MPRIP: variants seen among roughly 807,000 people sequenced by gnomAD.
MPRIP encodes myosin phosphatase Rho interacting protein.
A neutral mutation model predicts 234.9 loss-of-function variants in MPRIP; 59 were observed. The ratio of observed to expected loss-of-function variants is 0.25; its 90% confidence interval spans 0.20 to 0.31. MPRIP has a LOEUF of 0.31. MPRIP is among the 10% of genes least tolerant of loss of function. The pLI, the probability that MPRIP is intolerant of heterozygous loss-of-function variation, is 1.00. For missense variants in MPRIP, 2,436 were observed against 3,071.0 expected, an observed-to-expected ratio of 0.79 and a Z score of 4.89; for synonymous variants, 1,144 against 1,263.9, an observed-to-expected ratio of 0.91 and a Z score of 2.01.
At position 17,164,773 on chromosome 17, in the gene MPRIP, T is replaced by G. The variant is rs868679725; in HGVS notation, c.3182T>G (p.Val1061Gly). ...CAGCTGCAGGGTCAGGCACAGCAGG[T>G]GGAGACCCTGCAGAAGGAGAAGCTG... ...EDQLQGQAQQ[V>G]ETLQKEKLSA... The change falls in exon 16 of 24, where the codon GTG becomes GGG. Residue 1061 changes from valine (V) to glycine (G), a missense_variant. Val to Gly is a moderately radical substitution (Grantham distance 109). Around this residue, in one of 4 missense-constraint regions of MPRIP, gnomAD observed 1,998 missense variants for 2,520.3 expected, o/e 0.79. Transcript: ENST00000651222. 1.5e-6 allele frequency: 2 copies of G among 1,304,154 alleles called. No homozygotes were observed. Among genetic ancestry groups the G allele is most frequent in the Middle Eastern group, 2.1e-4 (1 of 4,698 alleles). The allele number at this position is 1,304,154 out of a possible 1,614,324, so 80.8% of individuals were successfully genotyped here.
intron 3 of MPRIP, among the ~76,000 whole-genome samples, chr17:17,113,466 A>G (rs768041119): frequency 6.6e-6 from 1 of 152,236 alleles, no homozygotes; most frequent in Non-Finnish European, 1.5e-5. Context: ...TATAGCACAT[A>G]CCAGAATTTC....
rs563802469 is a variant in MPRIP, at chr17:17,174,558, C to T, written c.6750+483C>T. Among the ~76,000 whole-genome samples the T allele has an allele frequency of 2.8e-4, 43 of 152,238 alleles. No homozygotes were observed. In the South Asian group the frequency reaches 5.8e-3, roughly 21 times the overall value. The stretch of plus-strand genomic sequence containing the variant: ...TTTCTTAAGATTTGCTTGCTCTGTC[C>T]GGGCGCGGTGGCTCACGCCTGTAAT... On this transcript the variant is annotated intron_variant, in intron 19 of 23. Coordinates refer to ENST00000651222, the MANE Select transcript of MPRIP (RefSeq NM_001364716.4).
intron 3 of MPRIP, among the ~76,000 whole-genome samples, chr17:17,101,578 AT>A (rs1219329857): frequency 6.7e-6 from 1 of 149,864 alleles, no homozygotes; most frequent in East Asian, 2.0e-4. Context: ...CTCAAAAAAA[AT>A]TTTTTTTAAA....
rs1299384326 is a variant in MPRIP at position 17,151,183 on chromosome 17, C to T, written c.1719+950C>T. On this transcript the variant is annotated intron_variant, in intron 12 of 23. Transcript: ENST00000651222. ...ACTGTGCCCAGTCCTGCCCCCACTTCTGACACCAGTTGTGAGTCCGGAGGT... is the reference window on the plus strand; with the variant it reads ...ACTGTGCCCAGTCCTGCCCCCACTTTTGACACCAGTTGTGAGTCCGGAGGT... 2.0e-5 allele frequency among the ~76,000 whole-genome samples: 3 copies of T among 152,146 alleles called. No individual in the cohort carries two copies. In the East Asian group the frequency reaches 5.8e-4, roughly 29 times the overall value.
At chr17:17,084,416 G>T (rs1364362513) in intron 3 of MPRIP, among the ~76,000 whole-genome samples, 1 of 152,226 alleles carries the variant, frequency 6.6e-6, no homozygotes, top group East Asian at 1.9e-4. Context: ...CCCGGCCGGG[G>T]CTCCTTGCTG....
intron 1 of MPRIP, among the ~76,000 whole-genome samples, chr17:17,054,642 C>T (rs1448051069): frequency 6.6e-6 from 1 of 151,852 alleles, no homozygotes; most frequent in Non-Finnish European, 1.5e-5. Context: ...AAACTCCACA[C>T]AGGCAGTGGG....
Position 17,117,501 on chromosome 17 carries a change from G to T in MPRIP, c.268-9201G>T, listed in dbSNP as rs138635824. On this transcript the variant is annotated intron_variant, in intron 3 of 23. Transcript: ENST00000651222. The stretch of plus-strand genomic sequence containing the variant: ...ACTGGCTTCATTCACTTAGCGTGAT[G>T]TTTCCAAGGTTTGCTCATGTTGGAG... 1.6e-4 allele frequency among the ~76,000 whole-genome samples: 25 copies of T among 152,348 alleles called. 1 individual carries two copies. The East Asian group carries it at 3.3e-3, about 20-fold the overall frequency.
At chr17:17,066,074 A>G (rs1452460871) in intron 1 of MPRIP, among the ~76,000 whole-genome samples, 2 of 152,320 alleles carry the variant, frequency 1.3e-5, no homozygotes, top group Admixed American at 6.5e-5. Context: ...ACAGACAGCT[A>G]TGTCATCTGT....
At chr17:17,053,723 T>A (rs2088610739) in intron 1 of MPRIP, among the ~76,000 whole-genome samples, 1 of 152,208 alleles carries the variant, frequency 6.6e-6, no homozygotes. Flanking sequence ...CTCAAACCTG[T>A]TTCTGTCTGT....
intron 3 of MPRIP, among the ~76,000 whole-genome samples, chr17:17,107,807 T>C: frequency 6.6e-6 from 1 of 152,254 alleles, no homozygotes; most frequent in Non-Finnish European, 1.5e-5. Context: ...CAGCAGGTGA[T>C]TTGAAGTCCT....
At chr17:17,162,969 G>T (rs1056148902) in intron 15 of MPRIP, among the ~76,000 whole-genome samples, 54 of 152,296 alleles carry the variant, frequency 3.5e-4, no homozygotes, top group Admixed American at 3.3e-3. Context: ...TTGCATAATT[G>T]CATGAGCCTA....
intron 3 of MPRIP, among the ~76,000 whole-genome samples, chr17:17,102,973 A>G (rs1318227182): frequency 6.6e-6 from 1 of 152,176 alleles, no homozygotes; most frequent in Admixed American, 6.5e-5. Flanking sequence ...CCAAGAGTTG[A>G]TGCTGCATGC....
chr17:17,060,627 C>T (rs945318918), intron 1 of MPRIP, among the ~76,000 whole-genome samples: 14 of 152,356 alleles, frequency 9.2e-5, no homozygotes, highest in South Asian at 2.1e-4. Flanking sequence ...GGAGTGCAGA[C>T]CTGCCCTCGT....
At chr17:17,160,141 G>A (rs1161703628) in intron 14 of MPRIP, among the ~76,000 whole-genome samples, 1 of 152,158 alleles carries the variant, frequency 6.6e-6, no homozygotes, top group Non-Finnish European at 1.5e-5. Context: ...GGCCGAGGCG[G>A]GCGGATCACA....
chr17:17,121,416 G>T (rs1178926642), intron 3 of MPRIP, among the ~76,000 whole-genome samples: 2 of 152,246 alleles, frequency 1.3e-5, no homozygotes, highest in Non-Finnish European at 2.9e-5. Flanking sequence ...TAGCTTCTTA[G>T]CAGTCTGCTT....
chr17:17,181,097 G>A (rs890970414), intron 23 of MPRIP, among the ~76,000 whole-genome samples: 5 of 152,242 alleles, frequency 3.3e-5, no homozygotes, highest in Non-Finnish European at 7.3e-5. Flanking sequence ...TAACAGGGTG[G>A]TCATTCTAGG....
At chr17:17,139,056 G>C (rs887451408) in intron 7 of MPRIP, among the ~76,000 whole-genome samples, 1 of 152,238 alleles carries the variant, frequency 6.6e-6, no homozygotes, top group African/African-American at 2.4e-5. Context: ...TGACTGGCTG[G>C]AGAGAGAGAA....
intron 3 of MPRIP, among the ~76,000 whole-genome samples, chr17:17,114,876 G>A (rs2090252694): frequency 6.6e-6 from 1 of 152,238 alleles, no homozygotes; most frequent in Non-Finnish European, 1.5e-5. Flanking sequence ...GCAGGTGTGA[G>A]GAGGAACTTC....
chr17:17,177,423 G>T lies in MPRIP; in HGVS notation c.7120+11G>T, dbSNP rs201774407. 1 of 1,610,848 alleles carries T rather than the reference G, an allele frequency of 6.2e-7. No homozygotes were observed. Among genetic ancestry groups the T allele is most frequent in the Non-Finnish European group, 8.5e-7 (1 of 1,178,012 alleles). ...CGGTGTCCGGATATGGTGCGTCCTC[G>T]GGTCATGCCCTCTCGGTTATTGCTG... On this transcript the variant is annotated intron_variant, in intron 22 of 23. Coordinates refer to ENST00000651222, the MANE Select transcript of MPRIP (RefSeq NM_001364716.4).
Sources: allele counts gnomAD v4.1 joint callset (sites outside exome capture counted in the v4.1 genomes callset), GRCh38; gene constraint gnomAD v4.1.1; regional missense constraint gnomAD v4.1.1; transcripts MANE v1.5; gene names NCBI Gene and HGNC (gene_info 2026-07-23, HGNC 2026-07-21).